Variants in NRP1 observed in about 807,000 individuals in gnomAD.
The protein encoded by NRP1 is neuropilin-1.
NRP1 carries 35 observed loss-of-function variants against 106.7 expected under a neutral mutation model. The observed-to-expected ratio is 0.33, with a 90% CI of 0.25 to 0.43. The LOEUF is 0.43. Among genes scored for constraint, NRP1 ranks in the 20% least tolerant of loss-of-function variants. NRP1 has a pLI of 1.00. For synonymous variants in NRP1, 437 were observed against 417.9 expected, an observed-to-expected ratio of 1.05 and a Z score of -0.56; for missense variants, 1,024 against 1,170.4, an observed-to-expected ratio of 0.87 and a Z score of 1.83.
chr10:33,240,811 C>T (rs1031184709), intron 6 of NRP1, among the ~76,000 whole-genome samples: 3 of 151,504 alleles, frequency 2.0e-5, no homozygotes, highest in Non-Finnish European at 3.0e-5. Flanking sequence ...GAGACAAGAA[C>T]GAAGAGAAAG....
intron 6 of NRP1, among the ~76,000 whole-genome samples, chr10:33,249,837 G>C (rs1841719378): frequency 6.6e-6 from 1 of 151,862 alleles, no homozygotes; most frequent in Non-Finnish European, 1.5e-5. Flanking sequence ...CTTTCTGGCA[G>C]ACAACGGATC....
At chr10:33,232,831 A>G (rs1203014073) in intron 6 of NRP1, among the ~76,000 whole-genome samples, 1 of 151,222 alleles carries the variant, frequency 6.6e-6, no homozygotes, top group Non-Finnish European at 1.5e-5. Flanking sequence ...TTTTTTTAGT[A>G]GAGATGGGGT....
At chr10:33,240,447 G>A (rs1474860760) in intron 6 of NRP1, among the ~76,000 whole-genome samples, 1 of 152,152 alleles carries the variant, frequency 6.6e-6, no homozygotes, top group Admixed American at 6.6e-5. Context: ...CTGATTATTG[G>A]TTTTGCAGTT....
intron 2 of NRP1, among the ~76,000 whole-genome samples, chr10:33,302,665 C>T (rs1466311554): frequency 2.0e-5 from 3 of 152,154 alleles, no homozygotes; most frequent in Non-Finnish European, 4.4e-5. Flanking sequence ...CACAAAGATT[C>T]CTCTGAGCAA....
intron 2 of NRP1, among the ~76,000 whole-genome samples, chr10:33,325,195 T>C (rs1847802238): frequency 6.6e-6 from 1 of 152,188 alleles, no homozygotes; most frequent in South Asian, 2.1e-4. Flanking sequence ...AAGGTATATA[T>C]TCTTCTCTAT....
intron 6 of NRP1, among the ~76,000 whole-genome samples, chr10:33,244,242 C>G (rs1007966008): frequency 6.6e-6 from 1 of 152,066 alleles, no homozygotes. Context: ...CTGGTGCTTT[C>G]AAATTACGAT....
At chr10:33,257,785 T>C (rs1280394696) in intron 4 of NRP1, among the ~76,000 whole-genome samples, 1 of 152,108 alleles carries the variant, frequency 6.6e-6, no homozygotes, top group African/African-American at 2.4e-5. Context: ...TTCCCTGTCC[T>C]GATCATCGAC....
intron 6 of NRP1, among the ~76,000 whole-genome samples, chr10:33,245,358 G>T (rs549670132): frequency 3.3e-5 from 5 of 152,118 alleles, no homozygotes; most frequent in African/African-American, 7.2e-5. Flanking sequence ...CAGAGGCCTG[G>T]GACACTGTTC....
intron 15 of NRP1, 88 bp downstream of exon 15, chr10:33,185,540 A>G: frequency 1.0e-6 from 1 of 992,434 alleles, no homozygotes; most frequent in South Asian, 1.5e-5. Flanking sequence ...AATTCTAGGT[A>G]GAAATGAGCA....
chr10:33,246,696 CA>C (rs550540309), intron 6 of NRP1, among the ~76,000 whole-genome samples: 147 of 152,222 alleles, frequency 9.7e-4, no homozygotes, highest in African/African-American at 3.4e-3. Context: ...CATCATTCCA[CA>C]TTTGGGTAAC....
At chr10:33,292,698 G>T (rs1481449911) in intron 2 of NRP1, among the ~76,000 whole-genome samples, 3 of 152,114 alleles carry the variant, frequency 2.0e-5, no homozygotes, top group Non-Finnish European at 4.4e-5. Flanking sequence ...TGTCCTGTTT[G>T]TAAAACCTGC....
intron 6 of NRP1, among the ~76,000 whole-genome samples, chr10:33,236,403 T>C (rs1840560198): frequency 6.6e-6 from 1 of 152,254 alleles, no homozygotes. Context: ...ACGTACTACA[T>C]AGAGGGCATG....
intron 2 of NRP1, among the ~76,000 whole-genome samples, chr10:33,321,502 A>G (rs1330618473): frequency 6.6e-6 from 1 of 152,184 alleles, no homozygotes; most frequent in Non-Finnish European, 1.5e-5. Context: ...TAGCTCCTCC[A>G]GGTTTGTAGA....
chr10:33,207,778 A>C, intron 9 of NRP1, 62 bp from the exon 10 acceptor site: 3 of 1,575,934 alleles, frequency 1.9e-6, no homozygotes, highest in Non-Finnish European at 2.6e-6. Flanking sequence ...CCTTTTAGCA[A>C]CTGTTTCTTC....
At chr10:33,264,426 T>G (rs946819470) in intron 3 of NRP1, among the ~76,000 whole-genome samples, 2 of 152,218 alleles carry the variant, frequency 1.3e-5, no homozygotes, top group African/African-American at 4.8e-5. Context: ...TGACTCATTC[T>G]GAGTGGTGTT....
At chr10:33,325,134 A>C (rs1182601410) in intron 2 of NRP1, among the ~76,000 whole-genome samples, 2 of 152,174 alleles carry the variant, frequency 1.3e-5, no homozygotes, top group Non-Finnish European at 2.9e-5. Flanking sequence ...AATTTTATCA[A>C]ATCTTATACT....
intron 9 of NRP1, chr10:33,212,405 CTAAGT>C (rs1349117223): frequency 6.6e-6 from 1 of 152,178 alleles, no homozygotes; most frequent in Non-Finnish European, 1.5e-5. Flanking sequence ...AAACATTATC[CTAAGT>C]GACATAAGCC....
intron 6 of NRP1, among the ~76,000 whole-genome samples, chr10:33,245,594 C>T (rs1841358796): frequency 1.3e-5 from 2 of 152,162 alleles, no homozygotes; most frequent in African/African-American, 4.8e-5. Context: ...GGACACCAGC[C>T]TCAACAGAGA....
At chr10:33,187,434 A>G (rs1006877173) in intron 13 of NRP1, among the ~76,000 whole-genome samples, 7 of 152,080 alleles carry the variant, frequency 4.6e-5, no homozygotes, top group Admixed American at 6.5e-5. Context: ...GAATTCCTTA[A>G]ACACACCTGA....
Sources: gnomAD v4.1 joint callset for allele counts (sites outside exome capture counted in the v4.1 genomes callset) on GRCh38, gnomAD v4.1.1 for gene constraint, MANE v1.5 for transcripts, NCBI Gene and HGNC (gene_info 2026-07-23, HGNC 2026-07-21) for gene names.